The following GRID2 variants were observed in gnomAD, a reference collection of about 807,000 sequenced individuals.
GRID2 encodes glutamate ionotropic receptor delta type subunit 2.
Under a neutral mutation model 114.8 loss-of-function variants are expected in GRID2, and 33 were observed. The observed-to-expected ratio is 0.29, with a 90% CI of 0.22 to 0.38. GRID2 has a LOEUF of 0.38. GRID2 is among the 10% of genes least tolerant of loss of function. The pLI is 1.00. For missense variants in GRID2, 1,184 were observed against 1,257.7 expected, an observed-to-expected ratio of 0.94 and a Z score of 0.89; for synonymous variants, 505 against 449.9, an observed-to-expected ratio of 1.12 and a Z score of -1.55.
chr4:92,731,303 G>A (rs935846768), intron 2 of GRID2, among the ~76,000 whole-genome samples: 11 of 150,620 alleles, frequency 7.3e-5, no homozygotes, highest in African/African-American at 1.2e-4. Flanking sequence ...ACCTACTGTC[G>A]GGTAATTGCC....
intron 2 of GRID2, among the ~76,000 whole-genome samples, chr4:93,075,892 T>C (rs1309629272): frequency 1.9e-4 from 6 of 32,178 alleles, no homozygotes; most frequent in East Asian, 9.0e-4. Flanking sequence ...TCTTTTTTTT[T>C]TTTTTTTTTT....
chr4:93,526,211 G>A lies in GRID2; in HGVS notation c.2193+10800G>A, dbSNP rs115015132. Among the ~76,000 whole-genome samples the A allele has an allele frequency of 5.8e-3, 878 of 152,156 alleles. 7 individuals carry two copies. The highest frequency in any genetic ancestry group is 0.02 in the African/African-American group (843 of 41,516). On this transcript the variant is annotated intron_variant, in intron 13 of 15. Coordinates refer to ENST00000282020, the MANE Select transcript of GRID2 (RefSeq NM_001510.4). ...GTGAGTGAGTTCTTGCCGAGCTAGT[G>A]GTTTTAAAGTGATATTTCCTCGATT...
chr4:93,287,831 A>G (rs9997098), intron 8 of GRID2, among the ~76,000 whole-genome samples: 82,342 of 151,920 alleles, frequency 0.54, 23,482 homozygotes, highest in Middle Eastern at 0.74. Flanking sequence ...CAATACCTAG[A>G]TGGGATTTCT....
chr4:93,745,493 A>G (rs1731766600), intron 14 of GRID2, among the ~76,000 whole-genome samples: 1 of 152,096 alleles, frequency 6.6e-6, no homozygotes, highest in Non-Finnish European at 1.5e-5. Flanking sequence ...AGTGGGGATG[A>G]GGAATCTTTT....
intron 8 of GRID2, among the ~76,000 whole-genome samples, chr4:93,270,376 A>C (rs1287957615): frequency 6.6e-6 from 1 of 152,162 alleles, no homozygotes; most frequent in Non-Finnish European, 1.5e-5. Flanking sequence ...TCTAAAATGA[A>C]AAATCATCAA....
chr4:93,047,240 A>G (rs1243623416), intron 2 of GRID2, among the ~76,000 whole-genome samples: 2 of 152,126 alleles, frequency 1.3e-5, no homozygotes, highest in African/African-American at 4.8e-5. Context: ...TTCCAGCTAA[A>G]TGGAGTATGG....
intron 2 of GRID2, among the ~76,000 whole-genome samples, chr4:92,736,183 A>G (rs985633954): frequency 4.6e-5 from 7 of 152,274 alleles, no homozygotes; most frequent in African/African-American, 1.7e-4. Context: ...TCAGAATCAT[A>G]GAAGGAGGTA....
intron 2 of GRID2, among the ~76,000 whole-genome samples, chr4:93,015,814 A>G (rs1722636609): frequency 6.6e-6 from 1 of 152,136 alleles, no homozygotes; most frequent in South Asian, 2.1e-4. Context: ...GAGGAAAAAT[A>G]CAAAAAGTAG....
chr4:93,729,706 C>A (rs1730305267), intron 14 of GRID2, among the ~76,000 whole-genome samples: 1 of 151,750 alleles, frequency 6.6e-6, no homozygotes, highest in Admixed American at 6.6e-5. Context: ...CCACCACACC[C>A]AGCTAATTTT....
At chr4:92,692,394 A>G (rs771955395) in intron 2 of GRID2, among the ~76,000 whole-genome samples, 1 of 152,150 alleles carries the variant, frequency 6.6e-6, no homozygotes, top group Non-Finnish European at 1.5e-5. Flanking sequence ...AATAGCCATA[A>G]TGTTCTTTCA....
At chr4:92,831,141 G>A (rs1362605881) in intron 2 of GRID2, among the ~76,000 whole-genome samples, 3 of 152,098 alleles carry the variant, frequency 2.0e-5, no homozygotes, top group Admixed American at 2.0e-4. Context: ...TTCCCACTCT[G>A]AATTTTAACT....
At chr4:93,191,219 T>C (rs1740949840) in intron 4 of GRID2, among the ~76,000 whole-genome samples, 1 of 152,070 alleles carries the variant, frequency 6.6e-6, no homozygotes, top group Non-Finnish European at 1.5e-5. Context: ...TTTGCAATAA[T>C]GTACTGGTAG....
At chr4:93,770,148 A>G (rs141788804) in intron 15 of GRID2, among the ~76,000 whole-genome samples, 22 of 152,336 alleles carry the variant, frequency 1.4e-4, no homozygotes, top group African/African-American at 5.1e-4. Context: ...TATGAGACTT[A>G]TAAATTAAAG....
chr4:93,507,243 C>T (rs1264892878), intron 12 of GRID2, among the ~76,000 whole-genome samples: 3 of 152,134 alleles, frequency 2.0e-5, no homozygotes, highest in African/African-American at 7.2e-5. Context: ...CTTTACATTT[C>T]ACCAGACTTT....
At chr4:93,405,165 C>G (rs981530761) in intron 9 of GRID2, among the ~76,000 whole-genome samples, 1 of 151,990 alleles carries the variant, frequency 6.6e-6, no homozygotes, top group Non-Finnish European at 1.5e-5. Flanking sequence ...TTTGTTTTGT[C>G]TCTTCTTCTG....
intron 1 of GRID2, among the ~76,000 whole-genome samples, chr4:92,436,931 A>G (rs976976599): frequency 6.6e-6 from 1 of 152,168 alleles, no homozygotes; most frequent in Non-Finnish European, 1.5e-5. Flanking sequence ...TGAATGCTTT[A>G]TGTACTAAAT....
intron 2 of GRID2, among the ~76,000 whole-genome samples, chr4:92,922,912 A>T (rs1749484954): frequency 2.6e-5 from 4 of 152,186 alleles, no homozygotes; most frequent in Admixed American, 2.6e-4. Context: ...CTGGAAGGAG[A>T]CACAACGGAG....
At chr4:92,636,373 A>T (rs1416312474) in intron 2 of GRID2, among the ~76,000 whole-genome samples, 2 of 151,994 alleles carry the variant, frequency 1.3e-5, no homozygotes, top group African/African-American at 4.8e-5. Context: ...AAGTTAGAGG[A>T]TGTTCAGGAA....
At chr4:93,251,875 A>G (rs763509145) in intron 8 of GRID2, among the ~76,000 whole-genome samples, 5 of 152,092 alleles carry the variant, frequency 3.3e-5, no homozygotes, top group African/African-American at 4.8e-5. Context: ...TCCATTGTGT[A>G]TATGTACCAC....
Sources: allele counts gnomAD v4.1 joint callset (sites outside exome capture counted in the v4.1 genomes callset), GRCh38; gene constraint gnomAD v4.1.1; transcripts MANE v1.5; gene names NCBI Gene and HGNC (gene_info 2026-07-23, HGNC 2026-07-21).